The following KDM6A variants were observed in gnomAD, a reference collection of about 807,000 sequenced individuals.
KDM6A encodes the protein lysine demethylase 6A, also known as lysine-specific demethylase 6A.
KDM6A carries 11 observed loss-of-function variants against 117.6 expected under a neutral mutation model. The ratio of observed to expected loss-of-function variants is 0.09; its 90% confidence interval spans 0.06 to 0.15. KDM6A has a LOEUF of 0.15. Ranked by LOEUF, KDM6A falls within the 10% of genes least tolerant of loss-of-function variation. The pLI is 1.00. For synonymous variants in KDM6A, 384 were observed against 396.1 expected (o/e 0.97, Z 0.36); for missense variants, 799 against 1,077.3 (o/e 0.74, Z 3.62).
chrX:45,021,516 G>T (rs2042170052), intron 6 of KDM6A, among the ~76,000 whole-genome samples: 1 of 111,210 alleles, frequency 9.0e-6, no homozygotes. Context: ...CTAAAGGAAG[G>T]GTGGTTGGGG....
chrX:45,026,818 C>T (rs1270812209), intron 6 of KDM6A, among the ~76,000 whole-genome samples: 1 of 91,606 alleles, frequency 1.1e-5, no homozygotes, highest in Non-Finnish European at 2.1e-5. Context: ...GCAACAATAG[C>T]GAAACTCCAT....
At chrX:45,005,168 G>A (rs1372784156) in intron 4 of KDM6A, among the ~76,000 whole-genome samples, 1 of 110,410 alleles carries the variant, frequency 9.1e-6, no homozygotes, top group African/African-American at 3.3e-5. Context: ...TAGGTTGGGA[G>A]GGAATGGGCT....
intron 2 of KDM6A, among the ~76,000 whole-genome samples, chrX:44,940,995 A>T (rs752080229): frequency 9.0e-6 from 1 of 111,578 alleles, no homozygotes; most frequent in African/African-American, 3.3e-5. Flanking sequence ...AGATCATGCC[A>T]CTGCACTCCA....
At chrX:44,955,899 T>A (rs974007830) in intron 2 of KDM6A, among the ~76,000 whole-genome samples, 4 of 111,708 alleles carry the variant, frequency 3.6e-5, no homozygotes, top group South Asian at 3.7e-4. Flanking sequence ...AAATTAGAAT[T>A]GTATCCAAAA....
At chrX:44,975,507 T>G (rs903931683) in intron 4 of KDM6A, among the ~76,000 whole-genome samples, 2 of 111,370 alleles carry the variant, frequency 1.8e-5, no homozygotes, top group African/African-American at 6.5e-5. Flanking sequence ...TGTATATATA[T>G]TTTTTCTTTT....
At chrX:45,100,069 C>A (rs902847762) in intron 27 of KDM6A, among the ~76,000 whole-genome samples, 1 of 110,626 alleles carries the variant, frequency 9.0e-6, no homozygotes, top group East Asian at 2.8e-4. Context: ...ATTCATGATT[C>A]CCATTTTAAG....
intron 9 of KDM6A, among the ~76,000 whole-genome samples, chrX:45,052,376 T>A (rs2043892021): frequency 8.9e-6 from 1 of 112,057 alleles, no homozygotes; most frequent in East Asian, 2.8e-4. Flanking sequence ...GGTTGTTTTT[T>A]CAGTTTTGTT....
At chrX:45,001,591 G>A (rs1179741588) in intron 4 of KDM6A, among the ~76,000 whole-genome samples, 3 of 111,375 alleles carry the variant, frequency 2.7e-5, no homozygotes, top group Non-Finnish European at 5.7e-5. Flanking sequence ...AGCACCCACG[G>A]GTATAACAAG....
At chrX:44,888,951 C>T (rs1483544165) in intron 2 of KDM6A, among the ~76,000 whole-genome samples, 1 of 111,941 alleles carries the variant, frequency 8.9e-6, no homozygotes, top group African/African-American at 3.2e-5. Context: ...CCTTAGTTTG[C>T]CTAAGAGTAG....
At chrX:44,987,032 T>A (rs2040265477) in intron 4 of KDM6A, among the ~76,000 whole-genome samples, 2 of 111,334 alleles carry the variant, frequency 1.8e-5, no homozygotes. Flanking sequence ...CCCATTATCA[T>A]TGTGTGGGAG....
chrX:44,890,373 T>G (rs987374166), intron 2 of KDM6A, among the ~76,000 whole-genome samples: 1 of 112,036 alleles, frequency 8.9e-6, no homozygotes, highest in African/African-American at 3.2e-5. Context: ...GTGTACAGGT[T>G]TTTGTGTGAA....
intron 2 of KDM6A, among the ~76,000 whole-genome samples, chrX:44,899,975 A>T (rs1311910428): frequency 8.9e-6 from 1 of 112,070 alleles, no homozygotes; most frequent in Admixed American, 9.5e-5. Flanking sequence ...TATTTCGGGG[A>T]TATGGTTTAA....
chrX:44,908,452 CAT>C (rs2034869637), intron 2 of KDM6A, among the ~76,000 whole-genome samples: 1 of 111,548 alleles, frequency 9.0e-6, no homozygotes, highest in Admixed American at 9.6e-5. Flanking sequence ...GGCTTCATCA[CAT>C]GTGTGGCACC....
In KDM6A at chrX:44,873,705, C is replaced by T. The variant is rs1158209233; in HGVS notation, c.154C>T (p.Leu52=). 6.0e-6 allele frequency: 7 copies of T among 1,170,880 alleles called. No homozygotes were observed. Among genetic ancestry groups the T allele is most frequent in the Non-Finnish European group, 6.9e-6 (6 of 875,609 alleles). The part of the protein sequence containing the change: ...TAEEREALGG[L]DSRLFGFVRF... The stretch of plus-strand genomic sequence containing the variant: ...CGAGGAGAGGGAGGCGCTCGGCGGA[C>T]TGGACAGGTACGGGCCGCCGTCACT... Residue 52 remains leucine (L), a synonymous_variant, in exon 1 of 30, where the codon CTG becomes TTG. Transcript: ENST00000611820.
In KDM6A at chrX:44,998,475, T is replaced by G. The variant is rs779583423; in HGVS notation, c.385-12486T>G. 7.1e-5 allele frequency among the ~76,000 whole-genome samples: 8 copies of G among 112,223 alleles called. No homozygotes were observed. The South Asian group carries it at 3.0e-3, about 41-fold the overall frequency. ...AGATATTCATGGTATATGTAACAGA[T>G]GGGGGTAATTATAAAGAAAGTATTT... On this transcript the variant is annotated intron_variant, in intron 4 of 29. Transcript: ENST00000611820.
intron 2 of KDM6A, among the ~76,000 whole-genome samples, chrX:44,905,224 C>T (rs2034580105): frequency 8.9e-6 from 1 of 112,331 alleles, no homozygotes; most frequent in African/African-American, 3.2e-5. Context: ...CCAGCACTAC[C>T]ATGAGCTACA....
At chrX:45,066,399 AGTT>A (rs1053311413) in intron 17 of KDM6A, among the ~76,000 whole-genome samples, 8 of 111,477 alleles carry the variant, frequency 7.2e-5, no homozygotes, top group African/African-American at 1.6e-4. Flanking sequence ...TGGGATTAGG[AGTT>A]GTTGTCTTGT....
At chrX:44,964,012 C>T (rs1345731775) in intron 3 of KDM6A, among the ~76,000 whole-genome samples, 13 of 110,220 alleles carry the variant, frequency 1.2e-4, no homozygotes, top group Non-Finnish European at 1.3e-4. Context: ...TGAGCCACTG[C>T]GCCCGGCCTT....
intron 2 of KDM6A, among the ~76,000 whole-genome samples, chrX:44,901,137 T>G (rs1187620281): frequency 9.0e-6 from 1 of 111,275 alleles, no homozygotes; most frequent in Non-Finnish European, 1.9e-5. Flanking sequence ...TCCCAGCACT[T>G]TGGGAGGCCA....
Sources: allele counts gnomAD v4.1 joint callset (sites outside exome capture counted in the v4.1 genomes callset), GRCh38; gene constraint gnomAD v4.1.1; transcripts MANE v1.5; gene names NCBI Gene and HGNC (gene_info 2026-07-23, HGNC 2026-07-21).